LTO1: variants seen among roughly 807,000 people sequenced by gnomAD.
LTO1 encodes the protein LTO1 maturation factor of ABCE1.
LTO1 carries 18 observed loss-of-function variants against 19.8 expected under a neutral mutation model. That is an observed-to-expected ratio of 0.91 (90% CI 0.63 to 1.35). The LOEUF (loss-of-function observed/expected upper bound fraction) is 1.35. Ranked by LOEUF, LTO1 falls within the 40% of genes most tolerant of loss-of-function variation. The probability of loss-of-function intolerance (pLI) is 0.00; values close to 1 mark genes in which losing one functional copy is unlikely to be tolerated. For missense variants in LTO1, 175 were observed against 167.9 expected, an observed-to-expected ratio of 1.04 and a Z score of -0.23; for synonymous variants, 59 against 59.6, an observed-to-expected ratio of 0.99 and a Z score of 0.05.
chr11:69,671,781 A>G lies in LTO1; in HGVS notation c.195T>C (p.Cys65=), dbSNP rs1856113226. The G allele has an allele frequency of 6.2e-7, 1 of 1,604,658 alleles. No individual in the cohort carries two copies. Reference sequence around the variant, plus strand: ...TCTCAGTGGTGCAACTGTGCAGTAGACATTTCCATGCAAAAGCAAAACCTT... The same window carrying G: ...TCTCAGTGGTGCAACTGTGCAGTAGGCATTTCCATGCAAAAGCAAAACCTT... ...CYQGFAFAWK[C]LLHSCTTEKD... is the part of the protein sequence containing the mutation. The change falls in exon 3 of 5, where the codon TGT becomes TGC. Residue 65 remains cysteine, a synonymous_variant. Transcript: ENST00000279147.
intron 3 of LTO1, 82 bp from the exon 4 acceptor site, chr11:69,668,094 T>G: frequency 2.8e-6 from 2 of 722,012 alleles, no homozygotes; most frequent in Non-Finnish European, 5.0e-6. Context: ...GCTGGCTTCC[T>G]GAAACCCAGC....
chr11:69,667,442 T>C lies in LTO1; in HGVS notation c.*77A>G, dbSNP rs1590922307. On this transcript the variant is annotated 3_prime_UTR_variant, in exon 5 of 5. Coordinates refer to ENST00000279147, the MANE Select transcript of LTO1 (RefSeq NM_153451.3). ...GAACAACTGCCTTCCCAGCACCGTC[T>C]GGCCCTTCACCGCATTTCTAAACAC... 5.1e-6 allele frequency: 5 copies of C among 972,108 alleles called. No homozygotes were observed. The East Asian group carries it at 9.5e-5, about 19-fold the overall frequency. The allele number at this position is 972,108 out of a possible 1,614,324, so 60.2% of individuals were successfully genotyped here.
chr11:69,670,985 C>G (rs1856100819), intron 3 of LTO1, among the ~76,000 whole-genome samples: 1 of 151,968 alleles, frequency 6.6e-6, no homozygotes, highest in Non-Finnish European at 1.5e-5. Flanking sequence ...ACTGCAACCT[C>G]TGCCTCCTGG....
chr11:69,674,303 G>A (rs74997973), intron 1 of LTO1, among the ~76,000 whole-genome samples: 5,531 of 152,236 alleles, frequency 0.036, 350 homozygotes, highest in African/African-American at 0.13. Flanking sequence ...ACATGGGTAG[G>A]GCAACAGAGA....
chr11:69,672,104 G>A (rs1204268762), intron 2 of LTO1: 2 of 397,824 alleles, frequency 5.0e-6, no homozygotes, highest in South Asian at 2.4e-5. Context: ...GAATGTGGAG[G>A]AACAGCACAA....
chr11:69,674,315 A>C (rs1333531266), intron 1 of LTO1, among the ~76,000 whole-genome samples: 1 of 152,182 alleles, frequency 6.6e-6, no homozygotes, highest in East Asian at 1.9e-4. Flanking sequence ...CAACAGAGAG[A>C]AATGGCATCA....
chr11:69,673,339 G>A lies in LTO1; in HGVS notation c.51-18C>T. On this transcript the variant is annotated intron_variant, in intron 1 of 4. Transcript: ENST00000279147. The stretch of plus-strand genomic sequence containing the variant: ...CATGAAACCTGTGAAGAAGAAGCAT[G>A]CTTCATCAAATCAACAGGAGAAAGA... 1.4e-6 allele frequency: 2 copies of A among 1,472,154 alleles called. No individual in the cohort carries two copies. The highest frequency in any genetic ancestry group is 2.3e-5 in the South Asian group (2 of 88,152). The allele number at this position is 1,472,154 out of a possible 1,614,324, so 91.2% of individuals were successfully genotyped here.
chr11:69,666,000 CAA>C lies in LTO1; in HGVS notation c.*1517_*1518del, dbSNP rs1472116289. On this transcript the variant is annotated 3_prime_UTR_variant, in exon 5 of 5. Transcript: ENST00000279147. Reference sequence around the variant, plus strand: ...CAAAACCCCATCTCTACTAAAAATACAAAAGTTACTTGGGCGTGGTGGGGGGC... The same window carrying C: ...CAAAACCCCATCTCTACTAAAAATACAAGTTACTTGGGCGTGGTGGGGGGC... 1.3e-5 allele frequency: 2 copies of C among 152,120 alleles called. No homozygotes were observed. Among genetic ancestry groups the C allele is most frequent in the South Asian group, 2.1e-4 (1 of 4,832 alleles). The allele number at this position is 152,120 out of a possible 1,614,324, so 9.4% of individuals were successfully genotyped here. A position where few individuals can be genotyped will look rare whatever the true frequency, so the allele number is the denominator to read the frequency against.
intron 3 of LTO1, among the ~76,000 whole-genome samples, chr11:69,668,800 G>T (rs56376085): frequency 1.3e-5 from 2 of 151,928 alleles, no homozygotes; most frequent in Non-Finnish European, 2.9e-5. Context: ...GGCCGAGGAG[G>T]GTGGATCACC....
At chr11:69,671,692 C>T in intron 3 of LTO1, 57 bp downstream of exon 3, 1 of 932,920 alleles carries the variant, frequency 1.1e-6, no homozygotes, top group South Asian at 1.3e-5. Flanking sequence ...GCTGGTAACC[C>T]ATGGAACTAG....
chr11:69,670,411 C>A (rs1238938969), intron 3 of LTO1, among the ~76,000 whole-genome samples: 1 of 152,218 alleles, frequency 6.6e-6, no homozygotes, highest in Admixed American at 6.5e-5. Flanking sequence ...TTGACTGCCA[C>A]CTAGTGGTAG....
At chr11:69,671,465 C>G in intron 3 of LTO1, 1 of 316,024 alleles carries the variant, frequency 3.2e-6, no homozygotes, top group Non-Finnish European at 5.9e-6. Context: ...GGTAGGGTAT[C>G]TAAAAGCCAC....
In LTO1 at chr11:69,667,151, AAATAAT is replaced by A. The variant is rs948586625; in HGVS notation, c.*362_*367del. On this transcript the variant is annotated 3_prime_UTR_variant, in exon 5 of 5. Coordinates refer to ENST00000279147, the MANE Select transcript of LTO1 (RefSeq NM_153451.3). ...CGGGGCCAACCATCTCTCTCATTGC[AAATAAT>A]AATAATAATAAAAATAACTGCCTTC... The A allele has an allele frequency of 1.4e-5, 3 of 209,880 alleles. No individual in the cohort carries two copies. Among genetic ancestry groups the A allele is most frequent in the Non-Finnish European group, 2.8e-5 (3 of 106,684 alleles). The allele number at this position is 209,880 out of a possible 1,614,324, so 13.0% of individuals were successfully genotyped here.
intron 3 of LTO1, among the ~76,000 whole-genome samples, chr11:69,670,196 T>C (rs1452342125): frequency 6.6e-6 from 1 of 152,152 alleles, no homozygotes; most frequent in Non-Finnish European, 1.5e-5. Flanking sequence ...CTCTGTTAGC[T>C]AGACTGAGTG....
intron 3 of LTO1, 47 bp downstream of exon 3, chr11:69,671,702 G>C: frequency 9.5e-7 from 1 of 1,055,580 alleles, no homozygotes; most frequent in Non-Finnish European, 1.5e-6. Context: ...CATGGAACTA[G>C]AACTCCTGGT....
rs759788224 is a variant in LTO1 at position 69,671,775 on chromosome 11, CA to C, written c.200del (p.Leu67ArgfsTer13). 4 of 1,600,654 alleles carry C rather than the reference CA, an allele frequency of 2.5e-6. No homozygotes were observed. The African/African-American group carries it at 5.4e-5, about 21-fold the overall frequency. On this transcript the variant is annotated frameshift_variant, in exon 3 of 5. Transcript: ENST00000279147. LOFTEE classifies it high-confidence loss of function. ...TGTCCTTCTCAGTGGTGCAACTGTG[CA>C]GTAGACATTTCCATGCAAAAGCAAA... is the stretch of plus-strand genomic sequence containing the variant. ...QGFAFAWKCLLHSCTTEKDSR... is the reference protein window; with the variant it reads ...QGFAFAWKCLXHSCTTEKDSR...
intron 3 of LTO1, among the ~76,000 whole-genome samples, chr11:69,670,018 CA>C (rs57287425): frequency 0.053 from 7,580 of 143,862 alleles, 614 homozygotes; most frequent in African/African-American, 0.18. Flanking sequence ...AAACAAAAAA[CA>C]AAAAAAAAAA....
At chr11:69,674,865 C>A in intron 1 of LTO1, 1 of 615,672 alleles carries the variant, frequency 1.6e-6, no homozygotes, top group South Asian at 1.5e-5. Flanking sequence ...AGGCAGCTCC[C>A]AGATGGCAAA....
At chr11:69,668,313 T>G (rs1041856282) in intron 3 of LTO1, 1 of 296,412 alleles carries the variant, frequency 3.4e-6, no homozygotes, top group African/African-American at 2.2e-5. Flanking sequence ...AGGTCACACA[T>G]GCAGAAACAG....
Sources: allele counts gnomAD v4.1 joint callset (sites outside exome capture counted in the v4.1 genomes callset), GRCh38; gene constraint gnomAD v4.1.1; transcripts MANE v1.5; gene names NCBI Gene and HGNC (gene_info 2026-07-23, HGNC 2026-07-21).